TMTC2: variants seen among roughly 807,000 people sequenced by gnomAD.
The protein encoded by TMTC2 is protein O-mannosyl-transferase TMTC2.
TMTC2 carries 43 observed loss-of-function variants against 82.4 expected under a neutral mutation model. The observed-to-expected ratio is 0.52, with a 90% CI of 0.41 to 0.67. The LOEUF is 0.67. Among genes scored for constraint, TMTC2 ranks in the 30% least tolerant of loss-of-function variants. The pLI is 0.00. For synonymous variants in TMTC2, 408 were observed against 381.9 expected, an observed-to-expected ratio of 1.07 and a Z score of -0.80; for missense variants, 919 against 1,012.4, an observed-to-expected ratio of 0.91 and a Z score of 1.25.
At chr12:83,075,048 T>G (rs1467676771) in intron 11 of TMTC2, among the ~76,000 whole-genome samples, 3 of 152,186 alleles carry the variant, frequency 2.0e-5, no homozygotes, top group African/African-American at 7.2e-5. Flanking sequence ...TCCCAGGGCC[T>G]TTCTGCTGCT....
chr12:82,966,429 G>A (rs1327523530), intron 6 of TMTC2, among the ~76,000 whole-genome samples: 2 of 151,926 alleles, frequency 1.3e-5, no homozygotes, highest in Non-Finnish European at 2.9e-5. Flanking sequence ...CTTATGCAAT[G>A]TATTAAAACT....
chr12:82,708,188 C>T (rs780249178), intron 1 of TMTC2, among the ~76,000 whole-genome samples: 4 of 152,048 alleles, frequency 2.6e-5, no homozygotes, highest in Non-Finnish European at 5.9e-5. Flanking sequence ...GGCCCTTAAC[C>T]GAAAAAGTTT....
chr12:83,042,276 T>C (rs1333933524), intron 9 of TMTC2, among the ~76,000 whole-genome samples: 1 of 152,172 alleles, frequency 6.6e-6, no homozygotes, highest in Non-Finnish European at 1.5e-5. Flanking sequence ...CTTTCTTTAG[T>C]TACTCAGAAA....
chr12:82,937,732 G>GGA (rs1565818049), intron 4 of TMTC2, among the ~76,000 whole-genome samples: 26 of 27,106 alleles, frequency 9.6e-4, no homozygotes, highest in African/African-American at 2.0e-3. Flanking sequence ...GTGTGTGGAT[G>GGA]TGTGTGTGTG....
chr12:82,930,985 T>A (rs927976130), intron 4 of TMTC2, among the ~76,000 whole-genome samples: 1 of 152,168 alleles, frequency 6.6e-6, no homozygotes, highest in African/African-American at 2.4e-5. Context: ...CATAGCTTGC[T>A]GCAGCCTCAA....
intron 7 of TMTC2, among the ~76,000 whole-genome samples, chr12:82,981,631 T>G (rs972092997): frequency 2.0e-5 from 3 of 151,922 alleles, no homozygotes; most frequent in African/African-American, 7.2e-5. Flanking sequence ...GTTGTTTCTT[T>G]CCTCCTGGGC....
rs1874432873 is a variant in TMTC2 at position 82,726,095 on chromosome 12, TG to T, written c.83+38427del. On this transcript the variant is annotated intron_variant, in intron 1 of 11. Coordinates refer to ENST00000321196, the MANE Select transcript of TMTC2 (RefSeq NM_152588.3). ...CATTTCAAAATAAGGCAAAGAAACA[TG>T]TTTTGGGGTAAAATATTTTGATTTT... Among the ~76,000 whole-genome samples, 8 of 152,212 alleles carry T rather than the reference TG, an allele frequency of 5.3e-5. No homozygotes were observed. In the South Asian group the frequency reaches 1.7e-3, roughly 32 times the overall value.
At chr12:82,826,439 C>T (rs562430749) in intron 1 of TMTC2, among the ~76,000 whole-genome samples, 4 of 152,182 alleles carry the variant, frequency 2.6e-5, no homozygotes, top group Admixed American at 2.6e-4. Context: ...TACTCCATGC[C>T]TCTGAAGATT....
At chr12:82,751,067 G>A (rs919194046) in intron 1 of TMTC2, among the ~76,000 whole-genome samples, 1 of 152,042 alleles carries the variant, frequency 6.6e-6, no homozygotes, top group African/African-American at 2.4e-5. Context: ...GAATTCTGAG[G>A]CAGAATGATG....
chr12:82,833,789 C>T (rs1288819514), intron 1 of TMTC2, among the ~76,000 whole-genome samples: 2 of 152,132 alleles, frequency 1.3e-5, no homozygotes, highest in African/African-American at 4.8e-5. Flanking sequence ...GTTTCCAAAA[C>T]GTGAGGCAAA....
intron 1 of TMTC2, among the ~76,000 whole-genome samples, chr12:82,729,749 C>T (rs572282478): frequency 2.6e-5 from 4 of 152,192 alleles, no homozygotes; most frequent in Non-Finnish European, 2.9e-5. Flanking sequence ...AGTGGCAACC[C>T]GCAGGGGCCG....
intron 1 of TMTC2, 62 bp downstream of exon 1, chr12:82,687,731 G>T: frequency 1.3e-6 from 2 of 1,510,908 alleles, no homozygotes; most frequent in Non-Finnish European, 1.8e-6. Context: ...TGGCTCTGAA[G>T]CTTCCCTCTT....
chr12:82,792,032 T>C (rs918061822), intron 1 of TMTC2, among the ~76,000 whole-genome samples: 2 of 152,148 alleles, frequency 1.3e-5, no homozygotes, highest in Non-Finnish European at 2.9e-5. Context: ...TGTTTTTTCT[T>C]ACCCACCTGC....
intron 11 of TMTC2, among the ~76,000 whole-genome samples, chr12:83,073,808 C>G (rs568054654): frequency 6.6e-6 from 1 of 152,096 alleles, no homozygotes; most frequent in African/African-American, 2.4e-5. Context: ...AAAAGTATGT[C>G]TATAATTTCC....
intron 11 of TMTC2, among the ~76,000 whole-genome samples, chr12:83,131,442 T>G (rs1257398979): frequency 1.3e-5 from 2 of 152,220 alleles, no homozygotes; most frequent in African/African-American, 2.4e-5. Flanking sequence ...AGCTTTGTAT[T>G]GCAATTATTA....
intron 8 of TMTC2, among the ~76,000 whole-genome samples, chr12:83,026,229 A>G (rs1366865012): frequency 6.6e-6 from 1 of 152,316 alleles, no homozygotes; most frequent in East Asian, 1.9e-4. Context: ...GAAGCTATGT[A>G]TCAGGAAACT....
intron 1 of TMTC2, among the ~76,000 whole-genome samples, chr12:82,762,010 A>AG (rs1876674739): frequency 8.4e-6 from 1 of 118,930 alleles, no homozygotes. Context: ...TCTGTTGCCC[A>AG]GGCTGGGGTG....
intron 1 of TMTC2, among the ~76,000 whole-genome samples, chr12:82,751,923 G>A (rs1876029536): frequency 3.3e-5 from 5 of 152,020 alleles, no homozygotes; most frequent in African/African-American, 7.3e-5. Context: ...AAAGGAGTGT[G>A]TCAGTCTACA....
intron 1 of TMTC2, among the ~76,000 whole-genome samples, chr12:82,725,631 C>T (rs1268019221): frequency 6.6e-6 from 1 of 152,070 alleles, no homozygotes; most frequent in Non-Finnish European, 1.5e-5. Context: ...GAACATGTGC[C>T]AAGGTGGTTG....
Sources: gnomAD v4.1 joint callset for allele counts (sites outside exome capture counted in the v4.1 genomes callset) on GRCh38, gnomAD v4.1.1 for gene constraint, MANE v1.5 for transcripts, NCBI Gene and HGNC (gene_info 2026-07-23, HGNC 2026-07-21) for gene names.